The following ERBB4 variants were observed in gnomAD, a reference collection of about 807,000 sequenced individuals.
ERBB4 encodes the protein erb-b2 receptor tyrosine kinase 4, also known as receptor tyrosine-protein kinase erbB-4.
In ERBB4, 42 loss-of-function variants were observed where a neutral mutation model predicts 158.0. That is an observed-to-expected ratio of 0.27 (90% CI 0.21 to 0.34). The LOEUF (loss-of-function observed/expected upper bound fraction) is 0.34, where lower values mean the gene tolerates loss of function less well. Ranked by LOEUF, ERBB4 falls within the 10% of genes least tolerant of loss-of-function variation. ERBB4 has a pLI of 1.00. For synonymous variants in ERBB4, 583 were observed against 558.7 expected (o/e 1.04, Z -0.61); for missense variants, 1,333 against 1,624.1 (o/e 0.82, Z 3.08).
intron 19 of ERBB4, among the ~76,000 whole-genome samples, chr2:211,610,160 G>T (rs1159072305): frequency 7.2e-5 from 11 of 151,824 alleles, no homozygotes; most frequent in Non-Finnish European, 1.6e-4. Context: ...CATGTGTAAA[G>T]ATACATATGT....
intron 13 of ERBB4, among the ~76,000 whole-genome samples, chr2:211,675,898 T>G (rs2072052519): frequency 6.6e-6 from 1 of 150,616 alleles, no homozygotes; most frequent in Non-Finnish European, 1.5e-5. Flanking sequence ...TATTTAACCA[T>G]TTAATCAACT....
At chr2:212,298,025 A>G (rs1233925024) in intron 1 of ERBB4, among the ~76,000 whole-genome samples, 1 of 151,820 alleles carries the variant, frequency 6.6e-6, no homozygotes, top group Non-Finnish European at 1.5e-5. Flanking sequence ...TGCTTTAATT[A>G]TGTTTTGTTT....
At chr2:211,829,444 A>C (rs117738891) in intron 3 of ERBB4, among the ~76,000 whole-genome samples, 2 of 152,052 alleles carry the variant, frequency 1.3e-5, no homozygotes, top group African/African-American at 4.8e-5. Flanking sequence ...TAAGTATCTC[A>C]TTGTGTGGCT....
intron 4 of ERBB4, among the ~76,000 whole-genome samples, chr2:211,760,731 A>G (rs992274849): frequency 2.0e-5 from 3 of 152,208 alleles, no homozygotes; most frequent in Non-Finnish European, 2.9e-5. Flanking sequence ...GGAGGTGTAC[A>G]CTATACTGCA....
intron 2 of ERBB4, among the ~76,000 whole-genome samples, chr2:211,998,248 A>G (rs2076014362): frequency 6.6e-6 from 1 of 151,756 alleles, no homozygotes; most frequent in African/African-American, 2.4e-5. Context: ...CTCCCTGCTT[A>G]TCTGTCTTGT....
chr2:211,580,896 T>TAC (rs2068081959), intron 19 of ERBB4, among the ~76,000 whole-genome samples: 2 of 7,952 alleles, frequency 2.5e-4, no homozygotes. Context: ...TATATATATA[T>TAC]ATATATATAT....
chr2:211,498,359 G>A (rs1002610417), intron 20 of ERBB4, among the ~76,000 whole-genome samples: 1 of 151,900 alleles, frequency 6.6e-6, no homozygotes. Flanking sequence ...TTATTTCTCT[G>A]TCATTAAACT....
At chr2:211,590,471 T>C (rs1338535540) in intron 19 of ERBB4, among the ~76,000 whole-genome samples, 1 of 152,142 alleles carries the variant, frequency 6.6e-6, no homozygotes, top group Non-Finnish European at 1.5e-5. Flanking sequence ...CTATCCTTGA[T>C]GGATCAACCA....
At chr2:212,018,383 T>C (rs1353179760) in intron 2 of ERBB4, among the ~76,000 whole-genome samples, 2 of 152,164 alleles carry the variant, frequency 1.3e-5, no homozygotes, top group African/African-American at 2.4e-5. Context: ...ATATGACATA[T>C]TAATGATATC....
chr2:212,078,479 A>G (rs1353599387), intron 2 of ERBB4, among the ~76,000 whole-genome samples: 1 of 151,978 alleles, frequency 6.6e-6, no homozygotes, highest in East Asian at 1.9e-4. Flanking sequence ...TAGATTAATT[A>G]TAACAGTGGT....
chr2:212,310,629 G>C (rs1210274257), intron 1 of ERBB4, among the ~76,000 whole-genome samples: 1 of 146,876 alleles, frequency 6.8e-6, no homozygotes, highest in Non-Finnish European at 1.5e-5. Flanking sequence ...GTGTGTGTGT[G>C]TGTGTGTGTG....
intron 19 of ERBB4, among the ~76,000 whole-genome samples, chr2:211,593,411 G>A (rs1300950663): frequency 1.3e-5 from 2 of 152,124 alleles, no homozygotes; most frequent in Non-Finnish European, 2.9e-5. Flanking sequence ...TCTATCTTAA[G>A]GATTTGAGAA....
intron 1 of ERBB4, among the ~76,000 whole-genome samples, chr2:212,270,433 A>C (rs1166698172): frequency 6.6e-6 from 1 of 151,512 alleles, no homozygotes; most frequent in Non-Finnish European, 1.5e-5. Flanking sequence ...TATCGTTTTT[A>C]CCTCGCATTC....
chr2:212,213,886 G>A (rs1402037580), intron 1 of ERBB4, among the ~76,000 whole-genome samples: 1 of 151,700 alleles, frequency 6.6e-6, no homozygotes, highest in Non-Finnish European at 1.5e-5. Context: ...AATGGGAGTG[G>A]CTTATCAAAA....
At chr2:211,617,235 T>C (rs2125843680) in intron 19 of ERBB4, among the ~76,000 whole-genome samples, 1 of 152,260 alleles carries the variant, frequency 6.6e-6, no homozygotes, top group Non-Finnish European at 1.5e-5. Flanking sequence ...GAATTTCAGC[T>C]TTGGCTGTAG....
rs77259627 is a variant in ERBB4, at chr2:211,978,396, G to GTCTGTCTGTCTGTCTGTCTATCTA, written c.235-30781_235-30780insTAGATAGACAGACAGACAGACAGA. Among the ~76,000 whole-genome samples the GTCTGTCTGTCTGTCTGTCTATCTA allele has an allele frequency of 2.2e-5, 3 of 136,652 alleles. 1 individual carries two copies. The highest frequency in any genetic ancestry group is 8.5e-5 in the African/African-American group (3 of 35,276). 89.6% of individuals were successfully genotyped at this position (136,652 alleles called of 152,430 possible). ...TGTCTGTCTGTCTGTCTGTCTGTCT[G>GTCTGTCTGTCTGTCTGTCTATCTA]TCTATCTATCTATCTATCTATCTAT... On this transcript the variant is annotated intron_variant, in intron 2 of 27. Transcript: ENST00000342788.
At chr2:212,037,054 C>G (rs899118344) in intron 2 of ERBB4, among the ~76,000 whole-genome samples, 2 of 152,146 alleles carry the variant, frequency 1.3e-5, no homozygotes, top group Non-Finnish European at 2.9e-5. Flanking sequence ...GTTGCTCCTC[C>G]TTTTCATTTT....
intron 15 of ERBB4, 25 bp from the exon 16 acceptor site, chr2:211,657,853 A>T: frequency 6.2e-7 from 1 of 1,610,884 alleles, no homozygotes; most frequent in Non-Finnish European, 8.5e-7. Flanking sequence ...AGAACAGAAA[A>T]CATCATTCTC....
intron 3 of ERBB4, among the ~76,000 whole-genome samples, chr2:211,882,305 A>G (rs1335316702): frequency 6.6e-6 from 1 of 152,198 alleles, no homozygotes; most frequent in African/African-American, 2.4e-5. Flanking sequence ...TTAGGGCTGG[A>G]CTAAATGGCT....
Sources: gnomAD v4.1 joint callset for allele counts (sites outside exome capture counted in the v4.1 genomes callset) on GRCh38, gnomAD v4.1.1 for gene constraint, MANE v1.5 for transcripts, NCBI Gene and HGNC (gene_info 2026-07-23, HGNC 2026-07-21) for gene names.